Variants in RIOX2 observed in about 807,000 individuals in gnomAD.
RIOX2 encodes ribosomal oxygenase 2.
In RIOX2, 43 loss-of-function variants were observed where a neutral mutation model predicts 51.2. The ratio of observed to expected loss-of-function variants is 0.84; its 90% CI spans 0.66 to 1.08. The LOEUF (loss-of-function observed/expected upper bound fraction) is 1.08, where lower values mean the gene tolerates loss of function less well. Among genes scored for constraint, RIOX2 ranks in the 50% least tolerant of loss-of-function variants. The probability of loss-of-function intolerance (pLI) is 0.00; values close to 1 mark genes in which losing one functional copy is unlikely to be tolerated. For missense variants in RIOX2, 566 were observed against 561.7 expected, an observed-to-expected ratio of 1.01 and a Z score of -0.08; for synonymous variants, 226 against 218.5, an observed-to-expected ratio of 1.03 and a Z score of -0.30.
chr3:97,954,370 G>T, intron 5 of RIOX2, 22 bp downstream of exon 5: 1 of 1,547,934 alleles, frequency 6.5e-7, no homozygotes, highest in Non-Finnish European at 8.9e-7. Context: ...CCTAGCATGT[G>T]CAGCTGGGAG....
At position 97,967,370 on chromosome 3, in the gene RIOX2, G is replaced by A. The variant is rs1211715335; in HGVS notation, c.224C>T (p.Thr75Ile). 5 of 1,614,046 alleles carry A rather than the reference G, an allele frequency of 3.1e-6. No individual in the cohort carries two copies. The South Asian group carries it at 3.3e-5, about 11-fold the overall frequency. Reference protein sequence around the residue: ...LIQRDDPALATYYGSLFKLTD... With the variant: ...LIQRDDPALAIYYGSLFKLTD... ...TAGCTTGAACAGGGACCCATAGTAT[G>A]TGGCCAGTGCAGGGTCATCTCTCTG... The change falls in exon 2 of 10, where the codon ACA becomes ATA. Residue 75 changes from threonine (T) to isoleucine (I), a missense_variant. Thr to Ile is a moderately conservative substitution (Grantham distance 89). Coordinates refer to ENST00000394198, the MANE Select transcript of RIOX2 (RefSeq NM_153182.4).
Position 97,967,602 on chromosome 3 carries a change from C to T in RIOX2, c.-9G>A, listed in dbSNP as rs777077718. The T allele has an allele frequency of 1.3e-6, 2 of 1,558,024 alleles. No individual in the cohort carries two copies. The highest frequency in any genetic ancestry group is 1.7e-4 in the Middle Eastern group (1 of 5,800). On this transcript the variant is annotated 5_prime_UTR_variant, in exon 2 of 10. Transcript: ENST00000394198. ...TTTGCTTTCTTTGGCATCGTTCTGT[C>T]TTCAAGACAAAGCAGTAAGGAAATG...
At chr3:97,953,108 G>C (rs1312721051) in intron 5 of RIOX2, among the ~76,000 whole-genome samples, 1 of 152,092 alleles carries the variant, frequency 6.6e-6, no homozygotes, top group Non-Finnish European at 1.5e-5. Context: ...CTGATCTGCT[G>C]ACCCACCCCT....
chr3:97,967,128 T>C, intron 2 of RIOX2, 34 bp downstream of exon 2: 6 of 1,589,436 alleles, frequency 3.8e-6, no homozygotes, highest in Non-Finnish European at 5.1e-6. Flanking sequence ...TACTTTAAAA[T>C]GTATGAGGAT....
In RIOX2 at chr3:97,945,357, T is replaced by TTATTTGTC; in HGVS notation, c.1240-23_1240-16dup. On this transcript the variant is annotated splice_polypyrimidine_tract_variant and intron_variant, in intron 9 of 9. Coordinates refer to ENST00000394198, the MANE Select transcript of RIOX2 (RefSeq NM_153182.4). ...AGTCCATGAAACTGAAAGGATAAAT[T>TTATTTGTC]TATTTGTCAAAATATATGTATACTA... 1 of 1,605,258 alleles carries TTATTTGTC rather than the reference T, an allele frequency of 6.2e-7. No individual in the cohort carries two copies. Among genetic ancestry groups the TTATTTGTC allele is most frequent in the South Asian group, 1.1e-5 (1 of 89,688 alleles).
chr3:97,956,697 G>A lies in RIOX2; in HGVS notation c.682-2202C>T, dbSNP rs560391438. The stretch of plus-strand genomic sequence containing the variant: ...TTCAGTAGAGATGGGGTTTCTACAT[G>A]TTGGTCAGGCTGGTCTCGAACTCCT... On this transcript the variant is annotated intron_variant, in intron 4 of 9. Transcript: ENST00000394198. Among the ~76,000 whole-genome samples, 3 of 152,148 alleles carry A rather than the reference G, an allele frequency of 2.0e-5. No individual in the cohort carries two copies. In the East Asian group the frequency reaches 5.8e-4, roughly 30 times the overall value.
rs780940956 is a variant in RIOX2, at chr3:97,950,898, G to C, written c.786-10C>G. 4.3e-5 allele frequency: 69 copies of C among 1,595,042 alleles called. No homozygotes were observed. Among genetic ancestry groups the C allele is most frequent in the Non-Finnish European group, 5.7e-5 (66 of 1,163,616 alleles). Reference sequence around the variant, plus strand: ...GAAATCTCCCCATGAACTAGGATATGCACCAAGGGGGAAAAAAAAACCAAA... The same window carrying C: ...GAAATCTCCCCATGAACTAGGATATCCACCAAGGGGGAAAAAAAAACCAAA... On this transcript the variant is annotated splice_polypyrimidine_tract_variant and intron_variant, in intron 5 of 9. Coordinates refer to ENST00000394198, the MANE Select transcript of RIOX2 (RefSeq NM_153182.4).
intron 2 of RIOX2, among the ~76,000 whole-genome samples, chr3:97,962,980 C>T (rs1705744423): frequency 6.6e-6 from 1 of 152,232 alleles, no homozygotes; most frequent in Non-Finnish European, 1.5e-5. Context: ...GGCACACAGA[C>T]TGCATGACAA....
chr3:97,947,474 C>G (rs935349232), intron 7 of RIOX2, 25 bp from the exon 8 acceptor site: 9 of 1,591,458 alleles, frequency 5.7e-6, no homozygotes, highest in African/African-American at 5.4e-5. Context: ...AGAGAGAAAG[C>G]CGACCTTCAA....
chr3:97,957,024 G>T (rs1001039297), intron 4 of RIOX2, among the ~76,000 whole-genome samples: 1 of 152,196 alleles, frequency 6.6e-6, no homozygotes, highest in African/African-American at 2.4e-5. Flanking sequence ...CATCCTGGGA[G>T]TCTGGGTCTG....
Position 97,943,428 on chromosome 3 carries a change from G to A in RIOX2, c.*1756C>T. On this transcript the variant is annotated 3_prime_UTR_variant, in exon 10 of 10. Coordinates refer to ENST00000394198, the MANE Select transcript of RIOX2 (RefSeq NM_153182.4). ...TGTCCTCACACTCCTGGATCACTGA[G>A]CAGAATGAACATTTTCTCCAGCCTC... The A allele has an allele frequency of 1.5e-6, 1 of 661,004 alleles. No homozygotes were observed. Among genetic ancestry groups the A allele is most frequent in the Non-Finnish European group, 2.6e-6 (1 of 378,668 alleles). The allele number at this position is 661,004 out of a possible 1,614,324, so 40.9% of individuals were successfully genotyped here. A position where few individuals can be genotyped will look rare whatever the true frequency, so the allele number is the denominator to read the frequency against.
At chr3:97,945,773 G>C (rs563651149) in intron 9 of RIOX2, 25 bp downstream of exon 9, 1 of 1,517,882 alleles carries the variant, frequency 6.6e-7, no homozygotes, top group South Asian at 1.1e-5. Flanking sequence ...CACAGGATAG[G>C]CATTTGTTTT....
Position 97,967,618 on chromosome 3 carries a change from T to C in RIOX2, c.-25A>G, listed in dbSNP as rs1705944753. On this transcript the variant is annotated 5_prime_UTR_variant, in exon 2 of 10. Coordinates refer to ENST00000394198, the MANE Select transcript of RIOX2 (RefSeq NM_153182.4). Reference sequence around the variant, plus strand: ...TCGTTCTGTCTTCAAGACAAAGCAGTAAGGAAATGCAAACCTACCAAAAGA... The same window carrying C: ...TCGTTCTGTCTTCAAGACAAAGCAGCAAGGAAATGCAAACCTACCAAAAGA... The C allele has an allele frequency of 2.0e-6, 3 of 1,533,318 alleles. No homozygotes were observed. The highest frequency in any genetic ancestry group is 2.3e-5 in the East Asian group (1 of 44,318). 95.0% of individuals were successfully genotyped at this position (1,533,318 alleles called of 1,614,324 possible). A position where few individuals can be genotyped will look rare whatever the true frequency, so the allele number is the denominator to read the frequency against.
chr3:97,953,917 A>G, intron 5 of RIOX2: 1 of 158,520 alleles, frequency 6.3e-6, no homozygotes, highest in Admixed American at 6.0e-5. Flanking sequence ...TTCAATGGGT[A>G]CAGAGTTTCT....
At chr3:97,949,717 G>T in intron 7 of RIOX2, 127 bp downstream of exon 7, 1 of 799,644 alleles carries the variant, frequency 1.3e-6, no homozygotes, top group African/African-American at 1.7e-5. Flanking sequence ...CACTAAGGAT[G>T]GATGTGGTCC....
chr3:97,952,070 A>G (rs1475763035), intron 5 of RIOX2: 3 of 831,388 alleles, frequency 3.6e-6, no homozygotes, highest in Non-Finnish European at 5.3e-6. Context: ...TAAAACAACC[A>G]AATCAACAAC....
In RIOX2 at chr3:97,967,545, C is replaced by T; in HGVS notation, c.49G>A (p.Ala17Thr). Residue 17 changes from alanine to threonine, a missense_variant, in exon 2 of 10, where the codon GCT (alanine) becomes ACT (threonine). Transcript: ENST00000394198. ...PTGSGKEEGP[A>T]PCKQMKLEAA... Reference sequence around the variant, plus strand: ...TCTAACTTCATCTGCTTACAGGGAGCCGGCCCCTCTTCCTTCCCACTCCCT... The same window carrying T: ...TCTAACTTCATCTGCTTACAGGGAGTCGGCCCCTCTTCCTTCCCACTCCCT... 6.2e-7 allele frequency: 1 copy of T among 1,611,550 alleles called. No homozygotes were observed. The highest frequency in any genetic ancestry group is 8.5e-7 in the Non-Finnish European group (1 of 1,179,174).
chr3:97,967,113 G>A, intron 2 of RIOX2, 49 bp downstream of exon 2: 1 of 1,570,106 alleles, frequency 6.4e-7, no homozygotes, highest in South Asian at 1.2e-5. Flanking sequence ...GTGGCCAAAT[G>A]TTAGTACTTT....
intron 1 of RIOX2, among the ~76,000 whole-genome samples, chr3:97,969,765 G>A (rs1008710439): frequency 6.6e-6 from 1 of 152,218 alleles, no homozygotes; most frequent in Non-Finnish European, 1.5e-5. Context: ...AGCACAGCCA[G>A]TGTGACCGCT....
Sources: gnomAD v4.1 joint callset for allele counts (sites outside exome capture counted in the v4.1 genomes callset) on GRCh38, gnomAD v4.1.1 for gene constraint, MANE v1.5 for transcripts, NCBI Gene and HGNC (gene_info 2026-07-23, HGNC 2026-07-21) for gene names.